The following COBL variants were observed in gnomAD, a reference collection of about 807,000 sequenced individuals.
The protein encoded by COBL is cordon-bleu WH2 repeat protein.
In COBL, 51 loss-of-function variants were observed where a neutral mutation model predicts 98.8. That is an observed-to-expected ratio of 0.52 (90% CI 0.41 to 0.65). COBL has a LOEUF of 0.65. Among genes scored for constraint, COBL ranks in the 30% least tolerant of loss-of-function variants. The pLI is 0.00. For missense variants in COBL, 1,617 were observed against 1,617.5 expected (o/e 1.00, Z 0.01); for synonymous variants, 634 against 651.7 (o/e 0.97, Z 0.41).
At chr7:51,186,952 C>T (rs1446483736) in intron 4 of COBL, among the ~76,000 whole-genome samples, 1 of 152,148 alleles carries the variant, frequency 6.6e-6, no homozygotes, top group Non-Finnish European at 1.5e-5. Context: ...AGCTCTAGAA[C>T]CCATGGTGCC....
Position 51,207,136 on chromosome 7 carries a change from T to C in COBL, c.245+12605A>G, listed in dbSNP as rs1196743847. Among the ~76,000 whole-genome samples, 2 of 152,112 alleles carry C rather than the reference T, an allele frequency of 1.3e-5. 1 individual carries two copies. Among genetic ancestry groups the C allele is most frequent in the Non-Finnish European group, 2.9e-5 (2 of 68,038 alleles). ...CATCAAGTTATACACCTTCAGTATA[T>C]ACCATTTCTATCTGTCAATTACACT... On this transcript the variant is annotated intron_variant, in intron 2 of 12. Transcript: ENST00000265136.
intron 5 of COBL, among the ~76,000 whole-genome samples, chr7:51,170,170 G>A (rs1009595826): frequency 6.6e-6 from 1 of 151,010 alleles, no homozygotes; most frequent in East Asian, 2.0e-4. Flanking sequence ...TTTTCCTACT[G>A]TATACAATGA....
intron 7 of COBL, chr7:51,065,211 TGC>T (rs768290387): frequency 1.4e-6 from 1 of 703,274 alleles, no homozygotes; most frequent in South Asian, 1.5e-5. Context: ...TGTGTGTGTG[TGC>T]GTGTGTGTGT....
At chr7:51,144,207 T>G (rs1784815440) in intron 5 of COBL, among the ~76,000 whole-genome samples, 1 of 152,150 alleles carries the variant, frequency 6.6e-6, no homozygotes, top group African/African-American at 2.4e-5. Context: ...CAGAAAATGG[T>G]GATAGATTCG....
intron 7 of COBL, 107 bp from the exon 8 acceptor site, chr7:51,043,799 A>G: frequency 1.1e-6 from 1 of 913,856 alleles, no homozygotes; most frequent in East Asian, 2.6e-5. Context: ...TTTGGGATTC[A>G]GGGTGCTCAA....
intron 7 of COBL, among the ~76,000 whole-genome samples, chr7:51,075,277 A>G (rs1322953476): frequency 6.6e-6 from 1 of 152,208 alleles, no homozygotes; most frequent in East Asian, 1.9e-4. Flanking sequence ...ACCAATCAAT[A>G]TCTGATTTGT....
At chr7:51,237,368 T>C (rs1795354971) in intron 1 of COBL, among the ~76,000 whole-genome samples, 1 of 152,228 alleles carries the variant, frequency 6.6e-6, no homozygotes, top group South Asian at 2.1e-4. Context: ...ACAACACTTT[T>C]GTTTCCTATG....
At chr7:51,316,120 G>C (rs1463922606) in intron 1 of COBL, among the ~76,000 whole-genome samples, 2 of 152,304 alleles carry the variant, frequency 1.3e-5, no homozygotes, top group Non-Finnish European at 2.9e-5. Flanking sequence ...CGGGAGAGCC[G>C]ATCCTGGGGC....
chr7:51,297,820 C>G (rs1428472458), intron 1 of COBL, among the ~76,000 whole-genome samples: 1 of 152,200 alleles, frequency 6.6e-6, no homozygotes, highest in African/African-American at 2.4e-5. Context: ...TAAAAAGTCT[C>G]CTCTTCAGAG....
At chr7:51,047,032 G>A (rs763561025) in intron 7 of COBL, among the ~76,000 whole-genome samples, 37 of 152,124 alleles carry the variant, frequency 2.4e-4, no homozygotes, top group Non-Finnish European at 4.3e-4. Flanking sequence ...TCTTTAAAAG[G>A]AATACAACAT....
chr7:51,093,788 G>T lies in COBL; in HGVS notation c.958-8484C>A, dbSNP rs1278423533. 2.0e-5 allele frequency among the ~76,000 whole-genome samples: 3 copies of T among 152,156 alleles called. No individual in the cohort carries two copies. The East Asian group carries it at 5.8e-4, about 30-fold the overall frequency. On this transcript the variant is annotated intron_variant, in intron 6 of 12. Transcript: ENST00000265136. ...ATGTGCCTGTAATTTCAGCTACTCAGGAGGCTGAGTCAGGAGGATTGCCTG... is the reference window on the plus strand; with the variant it reads ...ATGTGCCTGTAATTTCAGCTACTCATGAGGCTGAGTCAGGAGGATTGCCTG...
In COBL at chr7:51,179,388, T is replaced by G. The variant is rs193048808; in HGVS notation, c.783+4714A>C. Among the ~76,000 whole-genome samples the G allele has an allele frequency of 3.7e-3, 565 of 152,066 alleles. 1 individual carries two copies. Among genetic ancestry groups the G allele is most frequent in the African/African-American group, 0.013 (546 of 41,468 alleles). ...TATTTTTGTATTTAGTACTCCTCAG[T>G]AGAGATGGGGTTTCACCATGTTGGC... On this transcript the variant is annotated intron_variant, in intron 5 of 12. Transcript: ENST00000265136.
intron 7 of COBL, among the ~76,000 whole-genome samples, chr7:51,059,974 A>G (rs1031066779): frequency 6.6e-6 from 1 of 151,872 alleles, no homozygotes; most frequent in African/African-American, 2.4e-5. Context: ...TCTGCTCCTG[A>G]TTTGTCTTGA....
chr7:51,311,262 G>A (rs1478786701), intron 1 of COBL, among the ~76,000 whole-genome samples: 1 of 152,222 alleles, frequency 6.6e-6, no homozygotes, highest in Admixed American at 6.5e-5. Flanking sequence ...GCCACCTGAT[G>A]AGGAGAGCAG....
rs28793102 is a variant in COBL, at chr7:51,165,543, G to C, written c.783+18559C>G. Among the ~76,000 whole-genome samples, 1,462 of 152,060 alleles carry C rather than the reference G, an allele frequency of 9.6e-3. 21 individuals are homozygous for C. The highest frequency in any genetic ancestry group is 0.033 in the African/African-American group (1,381 of 41,506). ...TGGAGATTTCAACACCCCAATTTCA[G>C]CACTGGACAGATCTTCCAAACAAAA... On this transcript the variant is annotated intron_variant, in intron 5 of 12. Transcript: ENST00000265136.
At chr7:51,248,483 G>C (rs1796455141) in intron 1 of COBL, among the ~76,000 whole-genome samples, 1 of 152,182 alleles carries the variant, frequency 6.6e-6, no homozygotes, top group Admixed American at 6.5e-5. Context: ...ATTGGTTCTT[G>C]TTATTCAACC....
chr7:51,033,505 G>T (rs997027328), intron 8 of COBL: 1 of 152,252 alleles, frequency 6.6e-6, no homozygotes, highest in African/African-American at 2.4e-5. Flanking sequence ...GTTATGTGAA[G>T]AAATCAGCAC....
chr7:51,221,025 T>C (rs1252282604), intron 1 of COBL, among the ~76,000 whole-genome samples: 4 of 152,334 alleles, frequency 2.6e-5, no homozygotes, highest in Admixed American at 2.0e-4. Flanking sequence ...ACTTACTCGA[T>C]ACTTAACATC....
At chr7:51,149,466 A>C (rs1418737803) in intron 5 of COBL, among the ~76,000 whole-genome samples, 1 of 152,194 alleles carries the variant, frequency 6.6e-6, no homozygotes, top group African/African-American at 2.4e-5. Flanking sequence ...AGCAACTTTT[A>C]AACTGGCTGG....
Sources: allele counts gnomAD v4.1 joint callset (sites outside exome capture counted in the v4.1 genomes callset), GRCh38; gene constraint gnomAD v4.1.1; transcripts MANE v1.5; gene names NCBI Gene and HGNC (gene_info 2026-07-23, HGNC 2026-07-21).